Variants in ZFPM2 observed in about 807,000 individuals in gnomAD.
ZFPM2 encodes the protein zinc finger protein, FOG family member 2.
ZFPM2 carries 20 observed loss-of-function variants against 98.6 expected under a neutral mutation model. The observed-to-expected ratio is 0.20, with a 90% CI of 0.14 to 0.29. The LOEUF (loss-of-function observed/expected upper bound fraction) is 0.29. ZFPM2 is among the 10% of genes least tolerant of loss of function. The probability of loss-of-function intolerance (pLI) is 1.00; values close to 1 mark genes in which losing one functional copy is unlikely to be tolerated. For synonymous variants in ZFPM2, 518 were observed against 502.7 expected (o/e 1.03, Z -0.41); for missense variants, 1,310 against 1,388.6 (o/e 0.94, Z 0.90).
rs115227972 is a variant in ZFPM2, at chr8:105,481,502, A to G, written c.301+37121A>G. Among the ~76,000 whole-genome samples, 397 of 152,130 alleles carry G rather than the reference A, an allele frequency of 2.6e-3. 3 individuals are homozygous for G. The highest frequency in any genetic ancestry group is 9.3e-3 in the African/African-American group (387 of 41,526). ...CTCTTCCTCCTCTTATAAGGACTCT[A>G]ATCCTATTGGATTAGGCTCCTAAAT... is the stretch of plus-strand genomic sequence containing the variant. On this transcript the variant is annotated intron_variant, in intron 3 of 7. Coordinates refer to ENST00000407775, the MANE Select transcript of ZFPM2 (RefSeq NM_012082.4).
chr8:105,462,005 T>C (rs1421558705), intron 3 of ZFPM2, among the ~76,000 whole-genome samples: 3 of 152,172 alleles, frequency 2.0e-5, no homozygotes, highest in Non-Finnish European at 2.9e-5. Flanking sequence ...GAGATTCCCC[T>C]ACCTAATTGG....
At chr8:105,377,605 TCCAAAAAAA>T (rs1164838522) in intron 1 of ZFPM2, among the ~76,000 whole-genome samples, 4 of 9,844 alleles carry the variant, frequency 4.1e-4, no homozygotes, top group Non-Finnish European at 6.2e-4. Context: ...TTCTTAAAAA[TCCAAAAAAA>T]AAAAAAAAAA....
rs1812043986 is a variant in ZFPM2 at position 105,432,679 on chromosome 8, T to C, written c.200-11601T>C. Among the ~76,000 whole-genome samples the C allele has an allele frequency of 3.3e-5, 5 of 152,334 alleles. No homozygotes were observed. In the South Asian group the frequency reaches 1.0e-3, roughly 32 times the overall value. On this transcript the variant is annotated intron_variant, in intron 2 of 7. Coordinates refer to ENST00000407775, the MANE Select transcript of ZFPM2 (RefSeq NM_012082.4). ...TGGAACAAGAAATGTCTTAGCTATT[T>C]AGAATCTTCCTCTGATGGGAATGAT...
At chr8:105,422,391 A>G (rs1009629049) in intron 2 of ZFPM2, among the ~76,000 whole-genome samples, 3 of 152,286 alleles carry the variant, frequency 2.0e-5, no homozygotes, top group Non-Finnish European at 4.4e-5. Context: ...CAGACAGCCG[A>G]GATTGAGCCA....
intron 5 of ZFPM2, among the ~76,000 whole-genome samples, chr8:105,668,318 T>C (rs554703348): frequency 6.6e-6 from 1 of 152,332 alleles, no homozygotes; most frequent in South Asian, 2.1e-4. Flanking sequence ...AAGTGAAATG[T>C]CAATTAAGAA....
At chr8:105,334,160 G>A (rs1362229659) in intron 1 of ZFPM2, among the ~76,000 whole-genome samples, 3 of 140,164 alleles carry the variant, frequency 2.1e-5, no homozygotes, top group Non-Finnish European at 4.6e-5. Flanking sequence ...GTGTGTGTGT[G>A]GTGGGGGGAG....
intron 5 of ZFPM2, among the ~76,000 whole-genome samples, chr8:105,779,951 GT>G (rs993455490): frequency 3.9e-5 from 6 of 152,196 alleles, no homozygotes; most frequent in African/African-American, 1.4e-4. Flanking sequence ...CGTCACTGCG[GT>G]TTTGACAGCA....
chr8:105,791,711 A>T (rs1002896601), intron 6 of ZFPM2, among the ~76,000 whole-genome samples: 17 of 152,116 alleles, frequency 1.1e-4, no homozygotes, highest in African/African-American at 4.1e-4. Context: ...CTATGAATCC[A>T]TCTGGTCCTG....
chr8:105,552,839 C>T (rs1313641201), intron 3 of ZFPM2, among the ~76,000 whole-genome samples: 4 of 127,236 alleles, frequency 3.1e-5, no homozygotes, highest in African/African-American at 9.0e-5. Flanking sequence ...TTTTTAAAGA[C>T]AGGATCTGGC....
At position 105,369,757 on chromosome 8, in the gene ZFPM2, C is replaced by CT. The variant is rs953631542; in HGVS notation, c.41-49380dup. On this transcript the variant is annotated intron_variant, in intron 1 of 7. Transcript: ENST00000407775. The stretch of plus-strand genomic sequence containing the variant: ...CTATCCAGTAGGCCAAGAGTTTTTT[C>CT]TTTTTTTCTTTCTGGAAAGGACCTA... Among the ~76,000 whole-genome samples the CT allele has an allele frequency of 2.1e-3, 316 of 151,966 alleles. 2 individuals carry two copies. The highest frequency in any genetic ancestry group is 7.3e-3 in the African/African-American group (304 of 41,440).
At chr8:105,487,316 C>T (rs946267380) in intron 3 of ZFPM2, among the ~76,000 whole-genome samples, 1 of 152,080 alleles carries the variant, frequency 6.6e-6, no homozygotes, top group East Asian at 1.9e-4. Context: ...ATGAGGTCTT[C>T]CCATATTGCC....
At chr8:105,424,196 T>G (rs962155785) in intron 2 of ZFPM2, among the ~76,000 whole-genome samples, 1 of 152,188 alleles carries the variant, frequency 6.6e-6, no homozygotes, top group Non-Finnish European at 1.5e-5. Context: ...TAAGTCAACT[T>G]TGAATTATCT....
chr8:105,517,707 CCACACACACACA>C (rs1554613621), intron 3 of ZFPM2, among the ~76,000 whole-genome samples: 3 of 124,980 alleles, frequency 2.4e-5, no homozygotes, highest in African/African-American at 6.6e-5. Flanking sequence ...CACACACACA[CCACACACACACA>C]CACACACACA....
At chr8:105,537,553 T>A (rs185530572) in intron 3 of ZFPM2, among the ~76,000 whole-genome samples, 5 of 152,220 alleles carry the variant, frequency 3.3e-5, no homozygotes, top group Middle Eastern at 3.4e-3. Flanking sequence ...CATGATGGCA[T>A]GTGCCTGTAG....
At chr8:105,789,690 C>A (rs888865033) in intron 6 of ZFPM2, among the ~76,000 whole-genome samples, 1 of 152,164 alleles carries the variant, frequency 6.6e-6, no homozygotes, top group African/African-American at 2.4e-5. Context: ...AACTAGTTTA[C>A]AGTCCCCCCA....
chr8:105,535,410 G>A (rs1353312174), intron 3 of ZFPM2, among the ~76,000 whole-genome samples: 1 of 152,122 alleles, frequency 6.6e-6, no homozygotes, highest in Non-Finnish European at 1.5e-5. Flanking sequence ...CCAAATATCA[G>A]CAGAGAAAAC....
intron 3 of ZFPM2, among the ~76,000 whole-genome samples, chr8:105,477,187 T>C (rs1813028545): frequency 6.6e-6 from 1 of 151,742 alleles, no homozygotes; most frequent in Admixed American, 6.6e-5. Context: ...TGCTTAATAC[T>C]GAACAACAAT....
chr8:105,633,678 T>C (rs1006078021), intron 4 of ZFPM2, among the ~76,000 whole-genome samples: 7 of 152,178 alleles, frequency 4.6e-5, no homozygotes, highest in Non-Finnish European at 8.8e-5. Context: ...CTGGAGACAA[T>C]GTATGGTGCA....
chr8:105,607,862 A>G (rs1419835022), intron 4 of ZFPM2, among the ~76,000 whole-genome samples: 1 of 152,168 alleles, frequency 6.6e-6, no homozygotes, highest in Non-Finnish European at 1.5e-5. Context: ...GAGGAATATC[A>G]GTTATTCTGC....
Sources: allele counts gnomAD v4.1 joint callset (sites outside exome capture counted in the v4.1 genomes callset), GRCh38; gene constraint gnomAD v4.1.1; transcripts MANE v1.5; gene names NCBI Gene and HGNC (gene_info 2026-07-23, HGNC 2026-07-21).